Variants in SHLD1 observed in about 807,000 individuals in gnomAD.
The protein encoded by SHLD1 is RINN1-REV7-interacting novel NHEJ regulator 3.
SHLD1 carries 3 observed loss-of-function variants against 5.5 expected under a neutral mutation model. The observed-to-expected ratio is 0.54, with a 90% confidence interval of 0.25 to 1.40. The LOEUF (loss-of-function observed/expected upper bound fraction) is 1.40. SHLD1 is among the 40% of genes most tolerant of loss of function. SHLD1 has a pLI of 0.15. For missense variants in SHLD1, 210 were observed against 244.4 expected (o/e 0.86, Z 0.94); for synonymous variants, 92 against 94.3 (o/e 0.98, Z 0.14).
rs541196822 is a variant in SHLD1 at position 5,762,845 on chromosome 20, C to T, written c.-4-10017C>T. The stretch of plus-strand genomic sequence containing the variant: ...AAAATTAGCCAGGTGTGGTAGTGCG[C>T]GCCTGTAGTCCCAGCTACTTGGGAG... On this transcript the variant is annotated intron_variant, in intron 1 of 2. Transcript: ENST00000303142. Among the ~76,000 whole-genome samples, 4 of 151,878 alleles carry T rather than the reference C, an allele frequency of 2.6e-5. No individual in the cohort carries two copies. The South Asian group carries it at 6.3e-4, about 24-fold the overall frequency.
chr20:5,844,725 G>T (rs566604989), intron 2 of SHLD1, among the ~76,000 whole-genome samples: 2 of 148,348 alleles, frequency 1.3e-5, no homozygotes, highest in African/African-American at 5.0e-5. Context: ...ATGCTTGTTT[G>T]TCTGGAGTTT....
intron 1 of SHLD1, among the ~76,000 whole-genome samples, chr20:5,771,535 T>G (rs983922789): frequency 3.9e-5 from 6 of 152,292 alleles, no homozygotes; most frequent in Non-Finnish European, 7.3e-5. Flanking sequence ...CAGAACACCT[T>G]TCTGTTCATA....
At chr20:5,790,890 C>T (rs962826235) in intron 2 of SHLD1, among the ~76,000 whole-genome samples, 2 of 152,066 alleles carry the variant, frequency 1.3e-5, no homozygotes, top group South Asian at 2.1e-4. Flanking sequence ...TGGCTGAGCG[C>T]GGTGGCTCAC....
chr20:5,857,968 G>A (rs556806015), intron 2 of SHLD1, among the ~76,000 whole-genome samples: 6 of 152,142 alleles, frequency 3.9e-5, no homozygotes, highest in South Asian at 4.2e-4. Context: ...GCATGGTGGC[G>A]GGTGCCTGTA....
intron 2 of SHLD1, among the ~76,000 whole-genome samples, chr20:5,858,784 G>A (rs2088122508): frequency 6.6e-6 from 1 of 152,090 alleles, no homozygotes; most frequent in South Asian, 2.1e-4. Context: ...GCAGTGAGTT[G>A]AGATCATGCC....
intron 2 of SHLD1, among the ~76,000 whole-genome samples, chr20:5,847,622 A>C (rs2087947740): frequency 6.6e-6 from 1 of 152,254 alleles, no homozygotes; most frequent in Admixed American, 6.5e-5. Flanking sequence ...AGCAGTTCAC[A>C]GAAAAGGAAA....
intron 2 of SHLD1, among the ~76,000 whole-genome samples, chr20:5,820,131 A>G (rs1221781685): frequency 6.6e-6 from 1 of 152,192 alleles, no homozygotes; most frequent in Non-Finnish European, 1.5e-5. Context: ...TATTTTTAGT[A>G]GAGACAAGGT....
intron 1 of SHLD1, among the ~76,000 whole-genome samples, chr20:5,761,242 A>C (rs766386702): frequency 1.3e-5 from 2 of 152,036 alleles, no homozygotes; most frequent in Non-Finnish European, 2.9e-5. Context: ...AACATCACAC[A>C]CTGGGGCCTG....
At chr20:5,833,679 CAGAG>C (rs530553160) in intron 2 of SHLD1, among the ~76,000 whole-genome samples, 5 of 149,246 alleles carry the variant, frequency 3.4e-5, no homozygotes, top group East Asian at 2.0e-4. Context: ...CAGGGAGAGA[CAGAG>C]AGAGAGAGAC....
At chr20:5,764,193 TTATATATATATATATTTGTGTGTGTGTA>T (rs1984686092) in intron 1 of SHLD1, among the ~76,000 whole-genome samples, 1 of 75,004 alleles carries the variant, frequency 1.3e-5, no homozygotes, top group Non-Finnish European at 2.3e-5. Context: ...TATATATATT[TTATATATATATATATTTGTGTGTGTGTA>T]TATATATATA....
chr20:5,856,264 A>G (rs1243513891), intron 2 of SHLD1, among the ~76,000 whole-genome samples: 1 of 152,250 alleles, frequency 6.6e-6, no homozygotes, highest in Admixed American at 6.5e-5. Context: ...AAGTGCAAAG[A>G]TTCTAAAGAG....
intron 2 of SHLD1, among the ~76,000 whole-genome samples, chr20:5,817,424 CTCTCTCTCTGTG>C (rs1160709759): frequency 7.9e-3 from 1,029 of 130,118 alleles, no homozygotes; most frequent in Non-Finnish European, 0.013. Flanking sequence ...CTCTCTCTCT[CTCTCTCTCTGTG>C]TGTGTGTGTG....
chr20:5,830,716 G>A (rs2087719362), intron 2 of SHLD1, among the ~76,000 whole-genome samples: 1 of 151,496 alleles, frequency 6.6e-6, no homozygotes, highest in South Asian at 2.1e-4. Flanking sequence ...AGCAATGTAG[G>A]TGTTAGAATG....
At chr20:5,846,976 A>C (rs552404980) in intron 2 of SHLD1, among the ~76,000 whole-genome samples, 1 of 152,128 alleles carries the variant, frequency 6.6e-6, no homozygotes, top group Non-Finnish European at 1.5e-5. Context: ...GTAGTTCCTA[A>C]ATTTTTATTA....
intron 2 of SHLD1, among the ~76,000 whole-genome samples, chr20:5,844,666 A>T (rs1486137041): frequency 6.6e-6 from 1 of 151,898 alleles, no homozygotes; most frequent in Non-Finnish European, 1.5e-5. Context: ...AGGATGGGGC[A>T]GTAGCTATTG....
intron 2 of SHLD1, among the ~76,000 whole-genome samples, chr20:5,795,044 G>A (rs942230845): frequency 2.6e-5 from 4 of 151,872 alleles, no homozygotes; most frequent in Admixed American, 1.3e-4. Flanking sequence ...TTCGGGACCA[G>A]CCTGGCCAAC....
chr20:5,812,311 C>T (rs2087470737), intron 2 of SHLD1, among the ~76,000 whole-genome samples: 1 of 152,024 alleles, frequency 6.6e-6, no homozygotes, highest in South Asian at 2.1e-4. Flanking sequence ...TCATCATGGC[C>T]TAGCATGAGT....
chr20:5,842,754 A>C (rs929013803), intron 2 of SHLD1, among the ~76,000 whole-genome samples: 18 of 151,996 alleles, frequency 1.2e-4, no homozygotes, highest in African/African-American at 4.1e-4. Flanking sequence ...TTATCTTTCC[A>C]CTGGACTCTA....
rs1377952468 is a variant in SHLD1 at position 5,864,112 on chromosome 20, C to G, written c.*649C>G. On this transcript the variant is annotated 3_prime_UTR_variant, in exon 3 of 3. Transcript: ENST00000303142. The stretch of plus-strand genomic sequence containing the variant: ...TGAAATACAGTTGAGAAAAGTATAT[C>G]ACATCTTGATCACACCCTTGCCTCC... Among the ~76,000 whole-genome samples the G allele has an allele frequency of 1.3e-5, 2 of 152,114 alleles. No homozygotes were observed. The highest frequency in any genetic ancestry group is 4.8e-5 in the African/African-American group (2 of 41,404).
Sources: gnomAD v4.1 joint callset for allele counts (sites outside exome capture counted in the v4.1 genomes callset) on GRCh38, gnomAD v4.1.1 for gene constraint, MANE v1.5 for transcripts, NCBI Gene and HGNC (gene_info 2026-07-23, HGNC 2026-07-21) for gene names.